FSTL5: variants seen among roughly 807,000 people sequenced by gnomAD.
The protein encoded by FSTL5 is follistatin like 5, also known as follistatin-related protein 5.
Under a neutral mutation model 89.1 loss-of-function variants are expected in FSTL5, and 62 were observed. That is an observed-to-expected ratio of 0.70 (90% CI 0.57 to 0.86). FSTL5 has a LOEUF of 0.86. Among genes scored for constraint, FSTL5 ranks in the 40% least tolerant of loss-of-function variants. The pLI is 0.00. For missense variants in FSTL5, 1,057 were observed against 1,001.6 expected (o/e 1.06, Z -0.75); for synonymous variants, 383 against 346.2 (o/e 1.11, Z -1.18).
At chr4:161,924,506 T>C (rs1734073479) in intron 3 of FSTL5, among the ~76,000 whole-genome samples, 1 of 151,680 alleles carries the variant, frequency 6.6e-6, no homozygotes, top group Non-Finnish European at 1.5e-5. Context: ...TGGTATATGA[T>C]ACATAAAAAG....
intron 11 of FSTL5, among the ~76,000 whole-genome samples, chr4:161,505,098 T>G (rs1402444218): frequency 6.6e-6 from 1 of 152,128 alleles, no homozygotes; most frequent in Non-Finnish European, 1.5e-5. Flanking sequence ...TTTGTTGATA[T>G]TATCCTTTTT....
chr4:161,725,471 T>G (rs1739364876), intron 6 of FSTL5, among the ~76,000 whole-genome samples: 3 of 151,734 alleles, frequency 2.0e-5, no homozygotes, highest in African/African-American at 7.2e-5. Flanking sequence ...ATTTACTATA[T>G]TAAAAGTTAC....
At chr4:161,574,080 G>A (rs1248130560) in intron 8 of FSTL5, among the ~76,000 whole-genome samples, 1 of 152,000 alleles carries the variant, frequency 6.6e-6, no homozygotes, top group Non-Finnish European at 1.5e-5. Context: ...CACATATCCT[G>A]CTTCCTTCTT....
intron 6 of FSTL5, among the ~76,000 whole-genome samples, chr4:161,683,383 A>T (rs1737593368): frequency 6.6e-6 from 1 of 152,166 alleles, no homozygotes; most frequent in Admixed American, 6.5e-5. Flanking sequence ...AAAATACATA[A>T]TAGATAATAT....
intron 14 of FSTL5, among the ~76,000 whole-genome samples, chr4:161,458,831 A>G (rs1350223459): frequency 6.6e-6 from 1 of 152,194 alleles, no homozygotes; most frequent in African/African-American, 2.4e-5. Flanking sequence ...AGATAACAGA[A>G]TATTATCTGA....
intron 6 of FSTL5, among the ~76,000 whole-genome samples, chr4:161,701,100 T>C (rs1238804415): frequency 6.6e-6 from 1 of 152,210 alleles, no homozygotes; most frequent in Admixed American, 6.5e-5. Context: ...TAAAACTGAA[T>C]TAAGCTTTTA....
At chr4:161,503,838 A>T (rs1446022602) in intron 11 of FSTL5, among the ~76,000 whole-genome samples, 2 of 152,208 alleles carry the variant, frequency 1.3e-5, no homozygotes, top group East Asian at 3.9e-4. Context: ...GTTCTAGTTG[A>T]ACATAATATA....
chr4:161,400,633 T>G (rs1327537903), intron 15 of FSTL5, among the ~76,000 whole-genome samples: 1 of 152,086 alleles, frequency 6.6e-6, no homozygotes, highest in Non-Finnish European at 1.5e-5. Context: ...GAACTATAAG[T>G]AAATAGTATA....
intron 10 of FSTL5, among the ~76,000 whole-genome samples, chr4:161,517,667 T>C (rs763116593): frequency 1.3e-5 from 2 of 152,224 alleles, no homozygotes; most frequent in Non-Finnish European, 2.9e-5. Context: ...CATCATGCTG[T>C]ACTATTGCAG....
intron 13 of FSTL5, among the ~76,000 whole-genome samples, chr4:161,468,157 C>A (rs1435130412): frequency 6.6e-6 from 1 of 151,964 alleles, no homozygotes; most frequent in Non-Finnish European, 1.5e-5. Flanking sequence ...ACTAATCAAC[C>A]CCATCATACA....
At chr4:161,626,953 A>T (rs559497351) in intron 7 of FSTL5, among the ~76,000 whole-genome samples, 1 of 152,168 alleles carries the variant, frequency 6.6e-6, no homozygotes, top group Admixed American at 6.6e-5. Context: ...TGAACAGATT[A>T]CTTGCTTTTT....
intron 3 of FSTL5, among the ~76,000 whole-genome samples, chr4:161,948,509 CAG>C (rs1370129659): frequency 2.1e-5 from 2 of 96,642 alleles, no homozygotes; most frequent in African/African-American, 8.0e-5. Flanking sequence ...TTTTTGGAGA[CAG>C]AGTCTCACTT....
At chr4:161,447,900 A>G (rs541283476) in intron 15 of FSTL5, among the ~76,000 whole-genome samples, 2 of 152,274 alleles carry the variant, frequency 1.3e-5, no homozygotes, top group Non-Finnish European at 2.9e-5. Context: ...TTTGACAAAC[A>G]ATTTATGAAT....
At chr4:161,721,074 C>T (rs1386967346) in intron 6 of FSTL5, among the ~76,000 whole-genome samples, 1 of 151,276 alleles carries the variant, frequency 6.6e-6, no homozygotes, top group African/African-American at 2.4e-5. Context: ...GTCAGGAGAT[C>T]GAGACCATCC....
chr4:161,446,268 A>T (rs1732942585), intron 15 of FSTL5, among the ~76,000 whole-genome samples: 1 of 152,070 alleles, frequency 6.6e-6, no homozygotes, highest in African/African-American at 2.4e-5. Context: ...TAAAAAAGTG[A>T]TGTGTATATA....
At chr4:161,858,650 T>C (rs1229951929) in intron 4 of FSTL5, among the ~76,000 whole-genome samples, 2 of 152,194 alleles carry the variant, frequency 1.3e-5, no homozygotes, top group Admixed American at 6.5e-5. Context: ...AGACAACAAA[T>C]CTGACTCTTG....
chr4:161,672,182 C>T (rs1183726487), intron 6 of FSTL5, among the ~76,000 whole-genome samples: 1 of 152,142 alleles, frequency 6.6e-6, no homozygotes, highest in African/African-American at 2.4e-5. Context: ...CTGACCAAGA[C>T]TTCCTAAGTA....
intron 10 of FSTL5, among the ~76,000 whole-genome samples, chr4:161,531,394 C>T (rs1409104481): frequency 2.0e-5 from 3 of 152,096 alleles, no homozygotes; most frequent in African/African-American, 4.8e-5. Context: ...ATGATTACTC[C>T]GAAGCTGTAT....
chr4:161,805,506 G>A (rs1007665685), intron 4 of FSTL5, among the ~76,000 whole-genome samples: 3 of 152,068 alleles, frequency 2.0e-5, no homozygotes, highest in Non-Finnish European at 2.9e-5. Flanking sequence ...TTTGGTAACT[G>A]CATTGATATA....
Sources: allele counts gnomAD v4.1 joint callset (sites outside exome capture counted in the v4.1 genomes callset), GRCh38; gene constraint gnomAD v4.1.1; transcripts MANE v1.5; gene names NCBI Gene and HGNC (gene_info 2026-07-23, HGNC 2026-07-21).